Variants in PDIA6 observed in about 807,000 individuals in gnomAD.
PDIA6 encodes the protein protein disulfide-isomerase A6.
In PDIA6, 29 loss-of-function variants were observed where a neutral mutation model predicts 58.4. The ratio of observed to expected loss-of-function variants is 0.50; its 90% CI spans 0.37 to 0.68. PDIA6 has a LOEUF of 0.68. PDIA6 is among the 30% of genes least tolerant of loss of function. The pLI is 0.00. For missense variants in PDIA6, 480 were observed against 551.0 expected (o/e 0.87, Z 1.29); for synonymous variants, 192 against 202.6 (o/e 0.95, Z 0.44).
rs1454821626 is a variant in PDIA6 at position 10,783,949 on chromosome 2, A to C, written c.*309T>G. 4.4e-6 allele frequency: 1 copy of C among 225,142 alleles called. No individual in the cohort carries two copies. The highest frequency in any genetic ancestry group is 2.3e-5 in the African/African-American group (1 of 44,040). 13.9% of individuals were successfully genotyped at this position (225,142 alleles called of 1,614,324 possible). On this transcript the variant is annotated 3_prime_UTR_variant, in exon 13 of 13. Transcript: ENST00000272227. ...ACATTAAAAAAAACCCATACATAAG[A>C]AACAGCCTCCAAGAACATTCAAGCA...
At chr2:10,800,762 G>A (rs1227606085) in intron 2 of PDIA6, among the ~76,000 whole-genome samples, 1 of 151,942 alleles carries the variant, frequency 6.6e-6, no homozygotes, top group Non-Finnish European at 1.5e-5. Context: ...CACCACGTCT[G>A]GGTAATTTGT....
intron 1 of PDIA6, chr2:10,823,176 G>C (rs925299828): frequency 6.6e-6 from 1 of 152,314 alleles, no homozygotes; most frequent in East Asian, 1.9e-4. Context: ...AAGAATCCAA[G>C]GGACAAATCC....
chr2:10,834,724 T>TCCCTCCC (rs1198670381), upstream of PDIA6, among the ~76,000 whole-genome samples: 3 of 16,674 alleles, frequency 1.8e-4, no homozygotes, highest in Non-Finnish European at 2.3e-4. Context: ...CCTCCCTCCC[T>TCCCTCCC]TCCTTCCCTC....
intron 1 of PDIA6, among the ~76,000 whole-genome samples, chr2:10,805,254 T>C (rs1407305360): frequency 7.3e-6 from 1 of 136,238 alleles, no homozygotes; most frequent in Non-Finnish European, 1.6e-5. Flanking sequence ...GCGAAGGACA[T>C]GAACAGACAC....
At chr2:10,810,544 A>T in intron 1 of PDIA6, 1 of 821,802 alleles carries the variant, frequency 1.2e-6, no homozygotes, top group Non-Finnish European at 1.6e-6. Flanking sequence ...AGTAATGGTG[A>T]GGGACCTTTG....
At chr2:10,832,016 CAAAAAAA>C (rs59417410) in intron 1 of PDIA6, among the ~76,000 whole-genome samples, 6 of 81,364 alleles carry the variant, frequency 7.4e-5, no homozygotes, top group Admixed American at 6.7e-4. Flanking sequence ...GACCCTGTCT[CAAAAAAA>C]AAAAAAAAAA....
chr2:10,809,185 G>GT (rs1234684688), intron 1 of PDIA6, among the ~76,000 whole-genome samples: 6 of 152,118 alleles, frequency 3.9e-5, no homozygotes, highest in Non-Finnish European at 2.9e-5. Context: ...AATTTCACCT[G>GT]TTTCTTTTGG....
In PDIA6 at chr2:10,791,892, T is replaced by C. The variant is rs1165317609; in HGVS notation, c.487A>G (p.Ile163Val). The C allele has an allele frequency of 6.2e-7, 1 of 1,614,052 alleles. No homozygotes were observed. Among genetic ancestry groups the C allele is most frequent in the Non-Finnish European group, 8.5e-7 (1 of 1,179,902 alleles). ...RSDSSSKKDV[I>V]ELTDDSFDKN... ...TCAAAGCTGTCGTCTGTCAGCTCAA[T>C]CACATCCTTCTTACTTGAACTATCA... Residue 163 changes from isoleucine to valine, a missense_variant, in exon 6 of 13, where the codon ATT becomes GTT. Transcript: ENST00000272227.
Position 10,783,402 on chromosome 2 carries a change from T to C in PDIA6, c.*856A>G. On this transcript the variant is annotated 3_prime_UTR_variant, in exon 13 of 13. Transcript: ENST00000272227. ...ATTGCTCACAAAAGTTAGTGACAGT[T>C]GTATTTATTTTTTTAAGTTACAATA... 1.8e-6 allele frequency: 1 copy of C among 544,124 alleles called. No homozygotes were observed. The highest frequency in any genetic ancestry group is 3.2e-6 in the Non-Finnish European group (1 of 311,288). 33.7% of individuals were successfully genotyped at this position (544,124 alleles called of 1,614,324 possible).
In PDIA6 at chr2:10,790,672, A is replaced by G. The variant is rs144691081; in HGVS notation, c.699+47T>C. The G allele has an allele frequency of 6.1e-4, 834 of 1,375,344 alleles. 7 individuals are homozygous for G. The African/African-American group carries it at 0.011, about 18-fold the overall frequency. 85.2% of individuals were successfully genotyped at this position (1,375,344 alleles called of 1,614,324 possible). A position where few individuals can be genotyped will look rare whatever the true frequency, so the allele number is the denominator to read the frequency against. On this transcript the variant is annotated intron_variant, in intron 7 of 12. Coordinates refer to ENST00000272227, the MANE Select transcript of PDIA6 (RefSeq NM_005742.4). The stretch of plus-strand genomic sequence containing the variant: ...GCCTGGAGTATTGGAAGAAGTAACG[A>G]AACACCATGTATTTCACAATGAAAT...
At chr2:10,812,294 C>A (rs1188894454) in intron 1 of PDIA6, among the ~76,000 whole-genome samples, 5 of 151,718 alleles carry the variant, frequency 3.3e-5, no homozygotes, top group Non-Finnish European at 7.4e-5. Flanking sequence ...CAACCTCCGT[C>A]CCCACGCACG....
chr2:10,819,058 GA>G (rs1473758377), intron 2 of PDIA6, among the ~76,000 whole-genome samples: 1 of 152,132 alleles, frequency 6.6e-6, no homozygotes, highest in African/African-American at 2.4e-5. Flanking sequence ...GTCCTTTTGT[GA>G]GTGATTGATT....
chr2:10,827,539 A>G (rs1667584712), intron 1 of PDIA6, among the ~76,000 whole-genome samples: 1 of 151,996 alleles, frequency 6.6e-6, no homozygotes, highest in Non-Finnish European at 1.5e-5. Context: ...GAAGAAATAT[A>G]AGGGCTGGAT....
intron 11 of PDIA6, among the ~76,000 whole-genome samples, chr2:10,786,319 G>A (rs545480679): frequency 1.6e-5 from 2 of 123,176 alleles, no homozygotes; most frequent in African/African-American, 4.3e-5. Context: ...TCTCGGGGGT[G>A]GGGGGGAAAG....
intron 1 of PDIA6, among the ~76,000 whole-genome samples, chr2:10,828,831 T>C (rs1302459603): frequency 2.0e-5 from 3 of 152,182 alleles, no homozygotes; most frequent in Admixed American, 2.0e-4. Flanking sequence ...CACAAGTGCA[T>C]GGATGTGTTC....
intron 1 of PDIA6, among the ~76,000 whole-genome samples, chr2:10,823,641 C>T (rs1667466743): frequency 1.3e-5 from 2 of 152,220 alleles, no homozygotes; most frequent in Non-Finnish European, 2.9e-5. Flanking sequence ...ACAATTGCCA[C>T]CACCTTGGTT....
intron 1 of PDIA6, among the ~76,000 whole-genome samples, chr2:10,805,964 G>A (rs547849110): frequency 8.2e-5 from 6 of 73,548 alleles, no homozygotes; most frequent in African/African-American, 2.2e-4. Context: ...AATGCTAGAT[G>A]AGGAGTTAGT....
chr2:10,822,103 C>T (rs1195618561), intron 1 of PDIA6, among the ~76,000 whole-genome samples: 5 of 151,754 alleles, frequency 3.3e-5, no homozygotes. Context: ...CCATGCCTGG[C>T]TAATTTTTGT....
At chr2:10,831,052 C>T (rs1028053762) in intron 1 of PDIA6, among the ~76,000 whole-genome samples, 3 of 152,214 alleles carry the variant, frequency 2.0e-5, no homozygotes, top group African/African-American at 4.8e-5. Flanking sequence ...GGGAGCGCAG[C>T]GGACTCCGCT....
Sources: gnomAD v4.1 joint callset for allele counts (sites outside exome capture counted in the v4.1 genomes callset) on GRCh38, gnomAD v4.1.1 for gene constraint, MANE v1.5 for transcripts, NCBI Gene and HGNC (gene_info 2026-07-23, HGNC 2026-07-21) for gene names.